The following SLF2 variants were observed in gnomAD, a reference collection of about 807,000 sequenced individuals.
SLF2 encodes the protein SMC5-SMC6 complex localization factor protein 2.
Under a neutral mutation model 124.3 loss-of-function variants are expected in SLF2, and 68 were observed. The ratio of observed to expected loss-of-function variants is 0.55; its 90% confidence interval spans 0.45 to 0.67. SLF2 has a LOEUF of 0.67. Ranked by LOEUF, SLF2 falls within the 30% of genes least tolerant of loss-of-function variation. The probability of loss-of-function intolerance (pLI) is 0.00; values close to 1 mark genes in which losing one functional copy is unlikely to be tolerated. For missense variants in SLF2, 1,246 were observed against 1,373.7 expected, an observed-to-expected ratio of 0.91 and a Z score of 1.47; for synonymous variants, 480 against 478.8, an observed-to-expected ratio of 1.00 and a Z score of -0.03.
At chr10:100,961,844 C>A in intron 19 of SLF2, 33 bp from the exon 20 acceptor site, 1 of 1,600,164 alleles carries the variant, frequency 6.2e-7, no homozygotes, top group Non-Finnish European at 8.5e-7. Flanking sequence ...TTAAATTTTG[C>A]TTTACCCTCT....
chr10:100,916,768 T>C lies in SLF2; in HGVS notation c.383T>C (p.Ile128Thr), dbSNP rs914371219. 2.5e-6 allele frequency: 4 copies of C among 1,612,618 alleles called. No homozygotes were observed. In the African/African-American group the frequency reaches 5.4e-5, roughly 22 times the overall value. The change falls in exon 3 of 20, where the codon ATA (isoleucine) becomes ACA (threonine). Residue 128 changes from isoleucine (I) to threonine (T), a missense_variant. Ile to Thr is a moderately conservative substitution (Grantham distance 89, BLOSUM62 -1). Transcript: ENST00000238961. The part of the protein sequence containing the change: ...GVKEHHEDHG[I>T]HESRRPCLSL... Reference sequence around the variant, plus strand: ...AAAGAGCACCATGAAGATCATGGTATACATGAGTCACGTCGGCCTTGTCTG... The same window carrying C: ...AAAGAGCACCATGAAGATCATGGTACACATGAGTCACGTCGGCCTTGTCTG...
chr10:100,952,541 C>T (rs1434532576), intron 17 of SLF2, among the ~76,000 whole-genome samples: 1 of 145,494 alleles, frequency 6.9e-6, no homozygotes, highest in Non-Finnish European at 1.5e-5. Flanking sequence ...AGGGAGACTC[C>T]ACCTCAAAAA....
In SLF2 at chr10:100,961,924, G is replaced by T. The variant is rs201488820; in HGVS notation, c.*12G>T. The T allele has an allele frequency of 6.2e-7, 1 of 1,603,420 alleles. No homozygotes were observed. Among genetic ancestry groups the T allele is most frequent in the African/African-American group, 1.3e-5 (1 of 74,882 alleles). ...TACCAGATTCTTAATAGGAGTTGCA[G>T]CAGCAAAAATATGAACCAAGAGAAA... On this transcript the variant is annotated 3_prime_UTR_variant, in exon 20 of 20. Coordinates refer to ENST00000238961, the MANE Select transcript of SLF2 (RefSeq NM_018121.4).
In SLF2 at chr10:100,945,313, G is replaced by T; in HGVS notation, c.2758-17G>T. The T allele has an allele frequency of 6.5e-7, 1 of 1,543,754 alleles. No homozygotes were observed. The highest frequency in any genetic ancestry group is 8.6e-7 in the Non-Finnish European group (1 of 1,157,926). On this transcript the variant is annotated splice_polypyrimidine_tract_variant and intron_variant, in intron 12 of 19. Coordinates refer to ENST00000238961, the MANE Select transcript of SLF2 (RefSeq NM_018121.4). ...TACCTCCTAAAATATTTTTGTCTGTGCATTTATGTTAAACAGTTTCTAGGC... is the reference window on the plus strand; with the variant it reads ...TACCTCCTAAAATATTTTTGTCTGTTCATTTATGTTAAACAGTTTCTAGGC...
Position 100,916,853 on chromosome 10 carries a change from C to T in SLF2, c.468C>T (p.His156=), listed in dbSNP as rs997518621. ...GTNIYVPSSY[H]LPKEMKSLKK... Reference sequence around the variant, plus strand: ...ATATCTATGTTCCTTCTTCATATCACTTGCCAAAGGAGATGAAGTCACTAA... The same window carrying T: ...ATATCTATGTTCCTTCTTCATATCATTTGCCAAAGGAGATGAAGTCACTAA... The change falls in exon 3 of 20, where the codon CAC becomes CAT. Residue 156 remains histidine, a synonymous_variant. Coordinates refer to ENST00000238961, the MANE Select transcript of SLF2 (RefSeq NM_018121.4). 1.5e-5 allele frequency: 24 copies of T among 1,614,058 alleles called. No homozygotes were observed. Among genetic ancestry groups the T allele is most frequent in the Non-Finnish European group, 1.9e-5 (23 of 1,180,042 alleles).
chr10:100,919,771 G>A (rs187312471), intron 4 of SLF2, among the ~76,000 whole-genome samples: 1 of 152,312 alleles, frequency 6.6e-6, no homozygotes, highest in African/African-American at 2.4e-5. Context: ...AGTACTTACT[G>A]TGTGCTATGC....
chr10:100,929,811 G>A lies in SLF2; in HGVS notation c.2166-19G>A, dbSNP rs745617344. The A allele has an allele frequency of 2.6e-6, 4 of 1,553,676 alleles. No homozygotes were observed. The South Asian group carries it at 3.7e-5, about 14-fold the overall frequency. ...GTAGTGTAACAATTTGGTATTGATT[G>A]ACTTTTTTTATGTTTCAGGGAATTT... On this transcript the variant is annotated intron_variant, in intron 7 of 19. Transcript: ENST00000238961.
chr10:100,931,524 G>T (rs984365943), intron 9 of SLF2, among the ~76,000 whole-genome samples: 3 of 151,376 alleles, frequency 2.0e-5, no homozygotes, highest in African/African-American at 7.3e-5. Context: ...CATATTTAAC[G>T]CTTAAATCCA....
At chr10:100,917,590 T>A (rs1011434549) in intron 3 of SLF2, among the ~76,000 whole-genome samples, 2 of 152,166 alleles carry the variant, frequency 1.3e-5, no homozygotes, top group African/African-American at 4.8e-5. Flanking sequence ...TCTTACTTAT[T>A]TATGTGTAGA....
chr10:100,963,618 C>A lies in SLF2; in HGVS notation c.*1706C>A, dbSNP rs566929550. On this transcript the variant is annotated 3_prime_UTR_variant, in exon 20 of 20. Transcript: ENST00000238961. ...TCTGTAATTTAATCCTTTGTAGATA[C>A]ATTATTTGTGTGTAATTTTATACGT... 6.6e-6 allele frequency: 1 copy of A among 152,560 alleles called. No individual in the cohort carries two copies. The highest frequency in any genetic ancestry group is 6.5e-5 in the Admixed American group (1 of 15,282). The allele number at this position is 152,560 out of a possible 1,614,324, so 9.5% of individuals were successfully genotyped here. A position where few individuals can be genotyped will look rare whatever the true frequency, so the allele number is the denominator to read the frequency against.
chr10:100,947,423 T>C (rs1456191008), intron 14 of SLF2, among the ~76,000 whole-genome samples: 3 of 152,114 alleles, frequency 2.0e-5, no homozygotes, highest in Non-Finnish European at 2.9e-5. Flanking sequence ...TTAATACAGA[T>C]GACATATTCC....
At position 100,913,278 on chromosome 10, in the gene SLF2, C is replaced by T. The variant is rs752740978; in HGVS notation, c.140+28C>T. On this transcript the variant is annotated intron_variant, in intron 1 of 19. Coordinates refer to ENST00000238961, the MANE Select transcript of SLF2 (RefSeq NM_018121.4). The stretch of plus-strand genomic sequence containing the variant: ...ACCGTGCAGAGGGCTTGAGAAGGGG[C>T]CGGGTCGCGGGGGCAAGGGTATGAG... 7 of 1,544,660 alleles carry T rather than the reference C, an allele frequency of 4.5e-6. No individual in the cohort carries two copies. The South Asian group carries it at 8.3e-5, about 18-fold the overall frequency.
At chr10:100,959,680 T>C in intron 19 of SLF2, 184 bp downstream of exon 19, 1 of 1,116,420 alleles carries the variant, frequency 9.0e-7, no homozygotes, top group Admixed American at 3.7e-5. Flanking sequence ...TTATATTCAT[T>C]AATTTATTTC....
At position 100,944,008 on chromosome 10, in the gene SLF2, T is replaced by G; in HGVS notation, c.2655-18T>G. 3 of 1,548,064 alleles carry G rather than the reference T, an allele frequency of 1.9e-6. No homozygotes were observed. Among genetic ancestry groups the G allele is most frequent in the Non-Finnish European group, 2.6e-6 (3 of 1,136,828 alleles). On this transcript the variant is annotated intron_variant, in intron 11 of 19. Coordinates refer to ENST00000238961, the MANE Select transcript of SLF2 (RefSeq NM_018121.4). ...ATTTTGTGCCTAACTTCACATTGCTTTACTCACTTCTCAATAGTTCTGAAA... is the reference window on the plus strand; with the variant it reads ...ATTTTGTGCCTAACTTCACATTGCTGTACTCACTTCTCAATAGTTCTGAAA...
chr10:100,925,108 C>A (rs1053036510), intron 5 of SLF2, 136 bp downstream of exon 5: 1 of 979,816 alleles, frequency 1.0e-6, no homozygotes, highest in Non-Finnish European at 1.5e-6. Flanking sequence ...TGGAATAATT[C>A]TTGTTTGGTA....
At chr10:100,939,127 A>C (rs1849920021) in intron 11 of SLF2, among the ~76,000 whole-genome samples, 1 of 152,224 alleles carries the variant, frequency 6.6e-6, no homozygotes, top group Admixed American at 6.5e-5. Flanking sequence ...CAGGTGAAAA[A>C]CTATGACAAA....
At chr10:100,935,027 A>G (rs1400913034) in intron 9 of SLF2, among the ~76,000 whole-genome samples, 1 of 152,150 alleles carries the variant, frequency 6.6e-6, no homozygotes, top group African/African-American at 2.4e-5. Flanking sequence ...ATCCACTATA[A>G]AATTACTTTG....
intron 4 of SLF2, among the ~76,000 whole-genome samples, chr10:100,918,820 C>T (rs748454890): frequency 9.9e-5 from 15 of 151,926 alleles, no homozygotes; most frequent in Admixed American, 2.6e-4. Flanking sequence ...GACGAGGTTT[C>T]GCCACGTTGC....
At chr10:100,934,841 C>T (rs1286728569) in intron 9 of SLF2, among the ~76,000 whole-genome samples, 2 of 150,762 alleles carry the variant, frequency 1.3e-5, no homozygotes, top group African/African-American at 2.4e-5. Flanking sequence ...AGGCTGCTCT[C>T]GAACTCCTGA....
Sources: allele counts gnomAD v4.1 joint callset (sites outside exome capture counted in the v4.1 genomes callset), GRCh38; gene constraint gnomAD v4.1.1; transcripts MANE v1.5; gene names NCBI Gene and HGNC (gene_info 2026-07-23, HGNC 2026-07-21).